The following IL1R2 variants were observed in gnomAD, a reference collection of about 807,000 sequenced individuals.
IL1R2 encodes interleukin-1 receptor type 2.
IL1R2 carries 46 observed loss-of-function variants against 39.5 expected under a neutral mutation model. The observed-to-expected ratio is 1.16, with a 90% CI of 0.92 to 1.49. The LOEUF is 1.49. IL1R2 is among the 40% of genes most tolerant of loss of function. The pLI, the probability that IL1R2 is intolerant of heterozygous loss-of-function variation, is 0.00. For synonymous variants in IL1R2, 207 were observed against 189.6 expected, an observed-to-expected ratio of 1.09 and a Z score of -0.75; for missense variants, 537 against 502.0, an observed-to-expected ratio of 1.07 and a Z score of -0.67.
intron 1 of IL1R2, among the ~76,000 whole-genome samples, chr2:101,994,699 G>T (rs1408551714): frequency 6.6e-6 from 1 of 152,214 alleles, no homozygotes; most frequent in Non-Finnish European, 1.5e-5. Context: ...CTTTTGAGAT[G>T]GTGCCTTCAC....
rs28385683 is a variant in IL1R2, at chr2:102,021,995, C to A, written c.689-192C>A. 3.6e-3 allele frequency: 2,122 copies of A among 582,734 alleles called. 15 individuals carry two copies. Among genetic ancestry groups the A allele is most frequent in the Middle Eastern group, 0.033 (123 of 3,692 alleles). 36.1% of individuals were successfully genotyped at this position (582,734 alleles called of 1,614,324 possible). A position where few individuals can be genotyped will look rare whatever the true frequency, so the allele number is the denominator to read the frequency against. ...GTGGCCTCTTCCAGTAATTGCTCTG[C>A]TGGGAAAGTCATTGGCCAAGGATGC... is the stretch of plus-strand genomic sequence containing the variant. On this transcript the variant is annotated intron_variant, in intron 5 of 8. Coordinates refer to ENST00000332549, the MANE Select transcript of IL1R2 (RefSeq NM_004633.4).
At position 102,028,223 on chromosome 2, in the gene IL1R2, C is replaced by T. The variant is rs970500622; in HGVS notation, c.1031-3C>T. On this transcript the variant is annotated splice_polypyrimidine_tract_variant and splice_region_variant and intron_variant, in intron 8 of 8. Transcript: ENST00000332549. Reference sequence around the variant, plus strand: ...TCCTGATGTGACTCTGTTCTTCCCACAGCCTCCTCCACGTTCTCCTGGGGC... The same window carrying T: ...TCCTGATGTGACTCTGTTCTTCCCATAGCCTCCTCCACGTTCTCCTGGGGC... The T allele has an allele frequency of 1.9e-6, 3 of 1,603,840 alleles. No homozygotes were observed. In the African/African-American group the frequency reaches 4.0e-5, roughly 21 times the overall value.
intron 1 of IL1R2, among the ~76,000 whole-genome samples, chr2:102,002,421 T>G (rs558165779): frequency 6.6e-6 from 1 of 151,094 alleles, no homozygotes. Flanking sequence ...TCTATGTCTA[T>G]GTCTGTGACT....
chr2:101,999,612 C>T (rs748921639), intron 1 of IL1R2, among the ~76,000 whole-genome samples: 6 of 152,186 alleles, frequency 3.9e-5, no homozygotes, highest in Non-Finnish European at 7.3e-5. Flanking sequence ...TGCAAGAGAC[C>T]TGGGAGGTCT....
chr2:102,003,635 T>C (rs1266311668), intron 1 of IL1R2, among the ~76,000 whole-genome samples: 1 of 122,588 alleles, frequency 8.2e-6, no homozygotes, highest in Admixed American at 7.8e-5. Flanking sequence ...GTCCCATGTC[T>C]GTGTCTGTGT....
rs776988205 is a variant in IL1R2, at chr2:102,016,052, G to C, written c.513+1G>C. ...TGACGTGAAGATTCAATGGTACAAG[G>C]TACGGCTTTAAAAAATGCCATTTTA... On this transcript the variant is annotated splice_donor_variant, in intron 4 of 8. Coordinates refer to ENST00000332549, the MANE Select transcript of IL1R2 (RefSeq NM_004633.4). LOFTEE classifies it high-confidence loss of function. 1.9e-6 allele frequency: 3 copies of C among 1,588,850 alleles called. No individual in the cohort carries two copies. Among genetic ancestry groups the C allele is most frequent in the Admixed American group, 1.8e-5 (1 of 56,644 alleles).
At chr2:101,994,558 G>A (rs914850864) in intron 1 of IL1R2, among the ~76,000 whole-genome samples, 1 of 152,224 alleles carries the variant, frequency 6.6e-6, no homozygotes, top group African/African-American at 2.4e-5. Flanking sequence ...TTGGCGACCT[G>A]AGAATCTGCA....
At position 102,015,905 on chromosome 2, in the gene IL1R2, C is replaced by T; in HGVS notation, c.367C>T (p.Leu123Phe). ...ASYCDKMSIE[L>F]RVFENTDAFL... ...TTACTGTGACAAAATGTCCATTGAG[C>T]TCAGAGTTTTTGAGAATACAGATGC... Residue 123 changes from leucine (L) to phenylalanine (F), a missense_variant, in exon 4 of 9, where the codon CTC (leucine) becomes TTC (phenylalanine). By Grantham distance (22) the Leu-to-Phe change is conservative. Transcript: ENST00000332549. 1 of 1,613,902 alleles carries T rather than the reference C, an allele frequency of 6.2e-7. No individual in the cohort carries two copies. Among genetic ancestry groups the T allele is most frequent in the Non-Finnish European group, 8.5e-7 (1 of 1,179,864 alleles).
At chr2:102,010,261 G>C (rs1220957885) in intron 3 of IL1R2, 1 of 166,398 alleles carries the variant, frequency 6.0e-6, no homozygotes. Flanking sequence ...AATAGACATA[G>C]AATAGGATTT....
chr2:102,026,132 G>A lies in IL1R2; in HGVS notation c.909G>A (p.Glu303=). 2 of 1,604,222 alleles carry A rather than the reference G, an allele frequency of 1.2e-6. No homozygotes were observed. The highest frequency in any genetic ancestry group is 1.7e-6 in the Non-Finnish European group (2 of 1,174,616). The change falls in exon 8 of 9, where the codon GAG becomes GAA. Residue 303 remains glutamate, a synonymous_variant. Coordinates refer to ENST00000332549, the MANE Select transcript of IL1R2 (RefSeq NM_004633.4). ...TCAGGGAATATTCAGAAAATAATGA[G>A]AACTACATTGAAGTGCCATTGATTT... is the stretch of plus-strand genomic sequence containing the variant. The part of the protein sequence containing the change: ...GPRQEYSENN[E]NYIEVPLIFD...
chr2:102,018,586 A>C (rs2236926), intron 4 of IL1R2, among the ~76,000 whole-genome samples: 25,647 of 152,166 alleles, frequency 0.17, 2,580 homozygotes, highest in East Asian at 0.28. Context: ...CATAATAATG[A>C]TACCTATTAC....
At chr2:102,006,287 C>T (rs1339098346) in intron 1 of IL1R2, among the ~76,000 whole-genome samples, 1 of 152,156 alleles carries the variant, frequency 6.6e-6, no homozygotes. Context: ...GCAAACCTGA[C>T]AGTATGGTTA....
At chr2:101,995,581 C>G (rs1445217221) in intron 1 of IL1R2, among the ~76,000 whole-genome samples, 1 of 152,180 alleles carries the variant, frequency 6.6e-6, no homozygotes, top group Admixed American at 6.5e-5. Context: ...TTTTAAGTGG[C>G]TGAGTCTGTG....
At chr2:102,013,557 A>G (rs1676785836) in intron 3 of IL1R2, among the ~76,000 whole-genome samples, 1 of 131,806 alleles carries the variant, frequency 7.6e-6, no homozygotes, top group African/African-American at 2.8e-5. Flanking sequence ...AAAAAAGGAA[A>G]GAAAGAAAAG....
rs1676495890 is a variant in IL1R2, at chr2:102,009,698, A to G, written c.204A>G (p.Thr68=). The stretch of plus-strand genomic sequence containing the variant: ...CTGTCAGCCCCCGCATCAACCTGAC[A>G]TGGCATAAAAATGACTCTGCTAGGA... The part of the protein sequence containing the change: ...WASVSPRINL[T]WHKNDSARTV... Residue 68 remains threonine (T), a synonymous_variant, in exon 3 of 9, where the codon ACA becomes ACG. Coordinates refer to ENST00000332549, the MANE Select transcript of IL1R2 (RefSeq NM_004633.4). 2 of 1,614,064 alleles carry G rather than the reference A, an allele frequency of 1.2e-6. No homozygotes were observed. The highest frequency in any genetic ancestry group is 8.5e-7 in the Non-Finnish European group (1 of 1,180,036).
At chr2:102,006,414 C>G (rs748347561) in intron 1 of IL1R2, among the ~76,000 whole-genome samples, 4 of 152,120 alleles carry the variant, frequency 2.6e-5, no homozygotes, top group Non-Finnish European at 5.9e-5. Flanking sequence ...GGGAATATCT[C>G]AGGTCACCAG....
Position 102,028,349 on chromosome 2 carries a change from TGCTATG to T in IL1R2, c.1157_1162del (p.Leu386_Trp387del). 2 of 1,606,980 alleles carry T rather than the reference TGCTATG, an allele frequency of 1.2e-6. No homozygotes were observed. Among genetic ancestry groups the T allele is most frequent in the Non-Finnish European group, 8.5e-7 (1 of 1,176,636 alleles). On this transcript the variant is annotated inframe_deletion, in exon 9 of 9. Coordinates refer to ENST00000332549, the MANE Select transcript of IL1R2 (RefSeq NM_004633.4). ...ACTGGAAAAGCAGATGGTCTGACTG[TGCTATG>T]GCCTCATCATCAAGACTTTCAATCC...
At chr2:101,999,520 C>T (rs1434772933) in intron 1 of IL1R2, among the ~76,000 whole-genome samples, 1 of 152,190 alleles carries the variant, frequency 6.6e-6, no homozygotes, top group Non-Finnish European at 1.5e-5. Context: ...TGACTCGATG[C>T]TTTAGAAACT....
At chr2:102,002,703 G>T (rs553241787) in intron 1 of IL1R2, among the ~76,000 whole-genome samples, 10 of 96,722 alleles carry the variant, frequency 1.0e-4, no homozygotes, top group South Asian at 3.6e-4. Flanking sequence ...TCTATGTCTA[G>T]GTCTATGTCT....
Sources: gnomAD v4.1 joint callset for allele counts (sites outside exome capture counted in the v4.1 genomes callset) on GRCh38, gnomAD v4.1.1 for gene constraint, MANE v1.5 for transcripts, NCBI Gene and HGNC (gene_info 2026-07-23, HGNC 2026-07-21) for gene names.